Variants in RBFOX2 observed in about 807,000 individuals in gnomAD.
RBFOX2 encodes RNA binding protein fox-1 homolog 2.
In RBFOX2, 10 loss-of-function variants were observed where a neutral mutation model predicts 49.1. That is an observed-to-expected ratio of 0.20 (90% confidence interval 0.13 to 0.35). The LOEUF is 0.35. RBFOX2 is among the 10% of genes least tolerant of loss of function. The probability of loss-of-function intolerance (pLI) is 1.00; values close to 1 mark genes in which losing one functional copy is unlikely to be tolerated. For synonymous variants in RBFOX2, 183 were observed against 187.4 expected (o/e 0.98, Z 0.19); for missense variants, 323 against 486.9 (o/e 0.66, Z 3.17).
intron 1 of RBFOX2, among the ~76,000 whole-genome samples, chr22:35,868,932 TC>T (rs962051089): frequency 3.9e-5 from 6 of 152,292 alleles, no homozygotes; most frequent in African/African-American, 7.2e-5. Context: ...TTTAGGTATT[TC>T]CCCCCAAGTC....
At chr22:35,988,416 T>G (rs924091327) in intron 1 of RBFOX2, among the ~76,000 whole-genome samples, 2 of 152,108 alleles carry the variant, frequency 1.3e-5, no homozygotes, top group Admixed American at 6.5e-5. Context: ...TCAAAGGAAA[T>G]AGGCTCTTAT....
intron 9 of RBFOX2, chr22:35,750,284 A>T: frequency 1.8e-6 from 1 of 566,410 alleles, no homozygotes; most frequent in East Asian, 2.9e-5. Flanking sequence ...CAAACAAAAA[A>T]AGAGGAGAAA....
intron 1 of RBFOX2, among the ~76,000 whole-genome samples, chr22:35,876,701 AACACAC>A (rs142455818): frequency 0.023 from 3,200 of 140,548 alleles, 43 homozygotes; most frequent in Admixed American, 0.031. Flanking sequence ...CATTAAAAGA[AACACAC>A]ACACACACAC....
At chr22:35,739,655 C>T (rs1928830246) in exon 12 of RBFOX2, 1 of 152,560 alleles carries the variant, frequency 6.6e-6, no homozygotes, top group Admixed American at 6.5e-5. Flanking sequence ...CCCAGAAAAA[C>T]CAAACCAAAA....
At chr22:35,792,487 T>C (rs1753177406) in intron 2 of RBFOX2, among the ~76,000 whole-genome samples, 1 of 152,270 alleles carries the variant, frequency 6.6e-6, no homozygotes, top group South Asian at 2.1e-4. Context: ...CAAATCTAAA[T>C]GATTTAAATT....
At position 35,869,399 on chromosome 22, in the gene RBFOX2, T is replaced by C. The variant is rs559110993; in HGVS notation, c.-33-59395A>G. 1.1e-4 allele frequency among the ~76,000 whole-genome samples: 15 copies of C among 141,570 alleles called. No homozygotes were observed. The South Asian group carries it at 3.3e-3, about 31-fold the overall frequency. The allele number at this position is 141,570 out of a possible 152,430, so 92.9% of individuals were successfully genotyped here. A position where few individuals can be genotyped will look rare whatever the true frequency, so the allele number is the denominator to read the frequency against. On this transcript the variant is annotated intron_variant, in intron 1 of 13. Coordinates refer to the RBFOX2 transcript ENST00000359369. The stretch of plus-strand genomic sequence containing the variant: ...GTCTGGAACTCCTGACCTCAAGTGA[T>C]TTACCTGCCTCAGCCTCCCAAAATG...
intron 1 of RBFOX2, among the ~76,000 whole-genome samples, chr22:35,947,363 T>C (rs540370446): frequency 1.3e-5 from 2 of 152,216 alleles, no homozygotes; most frequent in Non-Finnish European, 2.9e-5. Flanking sequence ...CAGTTCACAG[T>C]GCTTGATGAT....
intron 1 of RBFOX2, among the ~76,000 whole-genome samples, chr22:35,978,788 G>A (rs2057320256): frequency 6.6e-6 from 1 of 152,166 alleles, no homozygotes; most frequent in Admixed American, 6.5e-5. Context: ...AAAAGGGAAA[G>A]TCTTTGTAAC....
chr22:35,783,612 C>T (rs947776312), intron 2 of RBFOX2, among the ~76,000 whole-genome samples: 4 of 152,030 alleles, frequency 2.6e-5, no homozygotes, highest in African/African-American at 4.8e-5. Flanking sequence ...GTTCTCCAAT[C>T]AGGAAACTCC....
chr22:35,783,908 C>A (rs1163178156), intron 2 of RBFOX2, among the ~76,000 whole-genome samples: 1 of 152,190 alleles, frequency 6.6e-6, no homozygotes, highest in Non-Finnish European at 1.5e-5. Context: ...GAAATCCAGG[C>A]TCAGGGGCTT....
intron 1 of RBFOX2, among the ~76,000 whole-genome samples, chr22:35,921,447 C>T (rs1054017883): frequency 2.6e-5 from 4 of 152,194 alleles, no homozygotes; most frequent in South Asian, 4.1e-4. Context: ...GATGCTGATG[C>T]GGCTGGATTT....
At chr22:35,991,344 G>C (rs2057972894) in intron 1 of RBFOX2, among the ~76,000 whole-genome samples, 1 of 152,178 alleles carries the variant, frequency 6.6e-6, no homozygotes, top group African/African-American at 2.4e-5. Context: ...CCTGACAACA[G>C]AGGAATATAC....
Position 35,788,941 on chromosome 22 carries a change from C to G in RBFOX2, c.253-7195G>C, listed in dbSNP as rs564050485. Reference sequence around the variant, plus strand: ...TTATTGGATCTTCTGGACCGGTCCTCTAATTTTCACATCTCTTCTCTTGTA... The same window carrying G: ...TTATTGGATCTTCTGGACCGGTCCTGTAATTTTCACATCTCTTCTCTTGTA... On this transcript the variant is annotated intron_variant, in intron 2 of 11. Coordinates refer to ENST00000405409, the Ensembl canonical transcript of RBFOX2. Among the ~76,000 whole-genome samples the G allele has an allele frequency of 3.9e-5, 6 of 152,280 alleles. No homozygotes were observed. The South Asian group carries it at 6.2e-4, about 16-fold the overall frequency.
At chr22:36,023,037 G>A (rs2059303156) in intron 1 of RBFOX2, among the ~76,000 whole-genome samples, 1 of 151,882 alleles carries the variant, frequency 6.6e-6, no homozygotes, top group Non-Finnish European at 1.5e-5. Context: ...AGTAATTTCA[G>A]TGAAATATTG....
chr22:35,854,454 G>A (rs886906034), intron 1 of RBFOX2, among the ~76,000 whole-genome samples: 1 of 151,876 alleles, frequency 6.6e-6, no homozygotes, highest in Non-Finnish European at 1.5e-5. Context: ...GGGTATGGTG[G>A]CACACAGCAT....
At chr22:35,953,210 C>CAAA (rs34387129) in intron 1 of RBFOX2, among the ~76,000 whole-genome samples, 32 of 22,264 alleles carry the variant, frequency 1.4e-3, no homozygotes, top group African/African-American at 1.9e-3. Context: ...GACTCCATCT[C>CAAA]AAAAAAAAAA....
chr22:35,794,060 A>G (rs1042868221), intron 2 of RBFOX2, among the ~76,000 whole-genome samples: 2 of 152,178 alleles, frequency 1.3e-5, no homozygotes, highest in Admixed American at 6.5e-5. Context: ...ACAGAATATC[A>G]CCTCAATTTT....
chr22:35,891,285 C>T (rs2047210884), intron 1 of RBFOX2, among the ~76,000 whole-genome samples: 1 of 152,114 alleles, frequency 6.6e-6, no homozygotes, highest in African/African-American at 2.4e-5. Flanking sequence ...AGGTGCGTGC[C>T]ACCATGCCCA....
At chr22:35,890,318 A>G (rs999212049) in intron 1 of RBFOX2, among the ~76,000 whole-genome samples, 1 of 151,992 alleles carries the variant, frequency 6.6e-6, no homozygotes, top group African/African-American at 2.4e-5. Flanking sequence ...ATATTCCAAG[A>G]CCCCCAAGTA....
Sources: allele counts gnomAD v4.1 joint callset (sites outside exome capture counted in the v4.1 genomes callset), GRCh38; gene constraint gnomAD v4.1.1; transcripts MANE v1.5; gene names NCBI Gene and HGNC (gene_info 2026-07-23, HGNC 2026-07-21).